QTRT1: variants seen among roughly 807,000 people sequenced by gnomAD.
The protein encoded by QTRT1 is queuine tRNA-ribosyltransferase catalytic subunit 1.
Under a neutral mutation model 44.0 loss-of-function variants are expected in QTRT1, and 41 were observed. The observed-to-expected ratio is 0.93, with a 90% confidence interval of 0.73 to 1.21. The LOEUF is 1.21. Among genes scored for constraint, QTRT1 ranks in the 50% most tolerant of loss-of-function variants. The pLI is 0.00. For synonymous variants in QTRT1, 226 were observed against 237.1 expected, an observed-to-expected ratio of 0.95 and a Z score of 0.43; for missense variants, 542 against 575.8, an observed-to-expected ratio of 0.94 and a Z score of 0.60.
chr19:10,706,349 C>T (rs906552044), intron 3 of QTRT1, among the ~76,000 whole-genome samples: 9 of 151,910 alleles, frequency 5.9e-5, no homozygotes, highest in Non-Finnish European at 1.2e-4. Context: ...TGCTGTGCAC[C>T]GTGGCTCATG....
At chr19:10,701,902 C>T (rs1274710960) in intron 1 of QTRT1, 48 bp from the exon 2 acceptor site, 2 of 1,607,402 alleles carry the variant, frequency 1.2e-6, no homozygotes, top group Non-Finnish European at 1.7e-6. Context: ...AGAAGGGCCC[C>T]CAGGGACGCG....
chr19:10,706,199 T>G (rs2068712938), intron 3 of QTRT1, among the ~76,000 whole-genome samples: 1 of 152,086 alleles, frequency 6.6e-6, no homozygotes, highest in Non-Finnish European at 1.5e-5. Flanking sequence ...CTATTTATTT[T>G]CTTAATAATG....
At chr19:10,702,296 AG>A in intron 3 of QTRT1, 42 bp downstream of exon 3, 8 of 1,537,496 alleles carry the variant, frequency 5.2e-6, no homozygotes, top group Non-Finnish European at 6.9e-6. Flanking sequence ...CCTGTCTGTC[AG>A]GGGGTGAAGT....
At chr19:10,704,261 G>T (rs1283440468) in intron 3 of QTRT1, among the ~76,000 whole-genome samples, 1 of 152,180 alleles carries the variant, frequency 6.6e-6, no homozygotes, top group Non-Finnish European at 1.5e-5. Context: ...ACAAGCATGA[G>T]CCACTGTGCC....
chr19:10,712,502 T>C lies in QTRT1; in HGVS notation c.786-51T>C. The C allele has an allele frequency of 6.5e-7, 1 of 1,538,856 alleles. No individual in the cohort carries two copies. Among genetic ancestry groups the C allele is most frequent in the Non-Finnish European group, 9.0e-7 (1 of 1,112,268 alleles). ...GCAGTGTGAGGGTTGGGAGGGGCCC[T>C]GGGAAGCCCCTGAGGTTCTCTGCCC... On this transcript the variant is annotated intron_variant, in intron 6 of 9. Transcript: ENST00000250237. The surrounding 1 kb of genome is among the most constrained non-coding windows in gnomAD (Gnocchi z 5.6).
At chr19:10,708,891 G>A (rs1221875943) in intron 5 of QTRT1, 1 of 151,176 alleles carries the variant, frequency 6.6e-6, no homozygotes, top group Non-Finnish European at 1.5e-5. Flanking sequence ...TCAGCCTCCT[G>A]AGTAGCTGAG....
Position 10,702,121 on chromosome 19 carries a change from C to A in QTRT1, c.318C>A (p.Ser106Arg). Residue 106 changes from serine (S) to arginine (R), a missense_variant, in exon 3 of 10, where the codon AGC becomes AGA. Transcript: ENST00000250237. ...TGCGGTGGGGTTTCCCTTAGGACAG[C>A]GGCGGTTTCCAGATGGTGTCGCTGG... ...MNWPHNLLTD[S>R]GGFQMVSLVS... is the part of the protein sequence containing the mutation. 6.2e-7 allele frequency: 1 copy of A among 1,614,122 alleles called. No individual in the cohort carries two copies. The highest frequency in any genetic ancestry group is 8.5e-7 in the Non-Finnish European group (1 of 1,180,026).
chr19:10,708,991 C>G (rs1461075028), intron 5 of QTRT1: 2 of 152,152 alleles, frequency 1.3e-5, no homozygotes, highest in South Asian at 2.1e-4. Flanking sequence ...GTCTTGAACT[C>G]CTGACCTCGT....
chr19:10,701,690 T>C lies in QTRT1; in HGVS notation c.230T>C (p.Leu77Pro). 3 of 1,581,538 alleles carry C rather than the reference T, an allele frequency of 1.9e-6. No individual in the cohort carries two copies. The highest frequency in any genetic ancestry group is 2.6e-6 in the Non-Finnish European group (3 of 1,164,774). Residue 77 changes from leucine (L) to proline (P), a missense_variant, in exon 1 of 10, where the codon CTG becomes CCG. Physicochemically the swap from Leu to Pro is moderately conservative, Grantham distance 98. Transcript: ENST00000250237. ...ATCTGCCTGGGCAATACCTACCATC[T>C]GGGTCTAAGGCCGGTGGGTGGGCTC... ...CRICLGNTYHLGLRPGPELIQ... is the reference protein window; with the variant it reads ...CRICLGNTYHPGLRPGPELIQ...
chr19:10,707,180 A>G (rs2068717557), intron 3 of QTRT1, 122 bp from the exon 4 acceptor site: 1 of 931,526 alleles, frequency 1.1e-6, no homozygotes. Context: ...GTCACGTGGG[A>G]GTTAGCAAGA....
chr19:10,703,738 C>T (rs1489843951), intron 3 of QTRT1, among the ~76,000 whole-genome samples: 1 of 150,428 alleles, frequency 6.6e-6, no homozygotes, highest in Non-Finnish European at 1.5e-5. Context: ...AGGCTGGTTA[C>T]GAACTCCTGA....
At chr19:10,702,742 A>G (rs980106165) in intron 3 of QTRT1, among the ~76,000 whole-genome samples, 3 of 149,638 alleles carry the variant, frequency 2.0e-5, no homozygotes, top group Non-Finnish European at 3.0e-5. Context: ...GGCTTCTCCC[A>G]TATCCTCAAT....
At chr19:10,709,644 C>T (rs142357679) in intron 5 of QTRT1, among the ~76,000 whole-genome samples, 3 of 152,136 alleles carry the variant, frequency 2.0e-5, no homozygotes, top group South Asian at 2.1e-4. Context: ...GTCGGGAGAT[C>T]GAGACCAACC....
intron 3 of QTRT1, among the ~76,000 whole-genome samples, chr19:10,702,762 T>C (rs973846505): frequency 2.5e-5 from 3 of 121,392 alleles, no homozygotes; most frequent in South Asian, 2.6e-4. Flanking sequence ...TATCCTTCTT[T>C]TTTTTTTTTT....
intron 3 of QTRT1, among the ~76,000 whole-genome samples, chr19:10,704,394 T>G (rs892621363): frequency 7.2e-6 from 1 of 139,366 alleles, no homozygotes; most frequent in Non-Finnish European, 1.6e-5. Flanking sequence ...CCTGGGTTCA[T>G]GCCATTCTCC....
rs1169268377 is a variant in QTRT1 at position 10,702,269 on chromosome 19, G to A, written c.451+15G>A. ...GAATGCGCTGGGTGAGAGGACCCTG[G>A]GGAGCCGCCTCCTTACCCTGTCTGT... On this transcript the variant is annotated intron_variant, in intron 3 of 9. Coordinates refer to ENST00000250237, the MANE Select transcript of QTRT1 (RefSeq NM_031209.3). 6.8e-6 allele frequency: 11 copies of A among 1,612,356 alleles called. No homozygotes were observed. The highest frequency in any genetic ancestry group is 1.7e-5 in the Admixed American group (1 of 59,858).
At chr19:10,705,173 C>T (rs2068707487) in intron 3 of QTRT1, among the ~76,000 whole-genome samples, 1 of 152,000 alleles carries the variant, frequency 6.6e-6, no homozygotes, top group African/African-American at 2.4e-5. Flanking sequence ...CCTCAGCCTC[C>T]CAAAGGGCTG....
intron 3 of QTRT1, among the ~76,000 whole-genome samples, chr19:10,703,880 C>G (rs369746182): frequency 6.6e-6 from 1 of 151,416 alleles, no homozygotes; most frequent in Non-Finnish European, 1.5e-5. Context: ...GAGTCTCACT[C>G]TGTCACCCAG....
chr19:10,712,672 G>A lies in QTRT1; in HGVS notation c.861+44G>A, dbSNP rs758270378. 2.6e-6 allele frequency: 3 copies of A among 1,132,968 alleles called. 1 individual carries two copies. In the South Asian group the frequency reaches 3.6e-5, roughly 14 times the overall value. The allele number at this position is 1,132,968 out of a possible 1,614,324, so 70.2% of individuals were successfully genotyped here. A position where few individuals can be genotyped will look rare whatever the true frequency, so the allele number is the denominator to read the frequency against. ...GAGGTCAGGGCGGGAGACGGGTGGG[G>A]GACTAGGGAGGCAAGGTTAGGGGTG... On this transcript the variant is annotated intron_variant, in intron 7 of 9. Transcript: ENST00000250237. The surrounding 1 kb of genome is among the most constrained non-coding windows in gnomAD (Gnocchi z 5.6).
Sources: gnomAD v4.1 joint callset for allele counts (sites outside exome capture counted in the v4.1 genomes callset) on GRCh38, gnomAD v4.1.1 for gene constraint, Gnocchi (gnomAD v3.1) non-coding constraint, MANE v1.5 for transcripts, NCBI Gene and HGNC (gene_info 2026-07-23, HGNC 2026-07-21) for gene names.